The following GAS5 variants were observed in gnomAD, a reference collection of about 807,000 sequenced individuals.
GAS5 encodes growth arrest specific 5, also known as growth arrest specific 5 (non-protein coding).
chr1:173,867,267 C>A (rs1348810264), upstream of GAS5: 6 of 509,028 alleles, frequency 1.2e-5, no homozygotes, highest in Middle Eastern at 5.0e-4. Flanking sequence ...GGCTTGTAAT[C>A]CCAGTATGTT....
chr1:173,866,543 T>C (rs867040107), exon 3 of GAS5: 1 of 734,954 alleles, frequency 1.4e-6, no homozygotes, highest in Middle Eastern at 2.3e-4. Context: ...TGCCAATGGC[T>C]TGAGTTAGGC....
chr1:173,865,706 C>T (rs1373368824), intron 5 of GAS5: 1 of 519,216 alleles, frequency 1.9e-6, no homozygotes, highest in Non-Finnish European at 3.8e-6. Context: ...TCCAAACATG[C>T]TCAAGGAAAA....
chr1:173,864,902 G>GT, intron 6 of GAS5: 1 of 518,858 alleles, frequency 1.9e-6, no homozygotes, highest in Non-Finnish European at 3.8e-6. Flanking sequence ...TATCATCATT[G>GT]TATCGGCTTT....
upstream of GAS5, chr1:173,867,049 G>A (rs1273976280): frequency 1.4e-6 from 1 of 728,880 alleles, no homozygotes; most frequent in Non-Finnish European, 2.5e-6. Context: ...CATACCTAAA[G>A]AGATCAGGTA....
At position 173,864,190 on chromosome 1, in the gene GAS5, G is replaced by A. The variant is rs755717426; in HGVS notation, n.324+67C>T. 5.8e-6 allele frequency: 3 copies of A among 518,548 alleles called. No individual in the cohort carries two copies. In the Admixed American group the frequency reaches 5.8e-5, roughly 10 times the overall value. 32.1% of individuals were successfully genotyped at this position (518,548 alleles called of 1,614,324 possible). On this transcript the variant is annotated intron_variant and non_coding_transcript_variant, in intron 7 of 7. Transcript: ENST00000651080. Reference sequence around the variant, plus strand: ...TTGTCATCAAGTAATCAGTGAGAGAGTTCAAGTTGGATTGAGATCATCATG... The same window carrying A: ...TTGTCATCAAGTAATCAGTGAGAGAATTCAAGTTGGATTGAGATCATCATG...
exon 5 of GAS5, chr1:173,865,886 G>A (rs1410211253): frequency 7.7e-6 from 4 of 518,448 alleles, no homozygotes; most frequent in Non-Finnish European, 1.5e-5. Context: ...CAGGCAAGTT[G>A]GACTCCACCT....
At chr1:173,864,989 C>T (rs1295327046) in intron 6 of GAS5, 17 of 485,154 alleles carry the variant, frequency 3.5e-5, no homozygotes, top group African/African-American at 1.4e-4. Context: ...GAGGTCAGTG[C>T]GGGCAGTATC....
upstream of GAS5, chr1:173,867,555 C>T: frequency 2.1e-6 from 1 of 473,220 alleles, no homozygotes; most frequent in Non-Finnish European, 4.2e-6. Context: ...GGTGACACTG[C>T]GGAATGCAGG....
At chr1:173,865,012 G>A (rs1431203517) in intron 6 of GAS5, 2 of 452,650 alleles carry the variant, frequency 4.4e-6, no homozygotes, top group Non-Finnish European at 8.9e-6. Flanking sequence ...TTGAGGTCAA[G>A]AGTTCGAGAC....
At chr1:173,865,778 T>G (rs1654503240) in intron 5 of GAS5, 3 of 518,342 alleles carry the variant, frequency 5.8e-6, no homozygotes, top group Middle Eastern at 3.2e-4. Context: ...CAGCCAAGCC[T>G]TAAGCCATTA....
chr1:173,865,726 A>G (rs755571777), intron 5 of GAS5: 10 of 519,010 alleles, frequency 1.9e-5, no homozygotes, highest in Non-Finnish European at 3.5e-5. Flanking sequence ...ACACATAAAC[A>G]CTGTTCCAGA....
upstream of GAS5, chr1:173,868,256 GCAA>G (rs1655125578): frequency 1.6e-5 from 2 of 126,542 alleles, no homozygotes; most frequent in African/African-American, 2.6e-5. Flanking sequence ...GGGGCGCGAG[GCAA>G]GGAAAGCTCT....
intron 7 of GAS5, chr1:173,864,167 G>C (rs1651725353): frequency 1.9e-6 from 1 of 518,102 alleles, no homozygotes; most frequent in Non-Finnish European, 3.9e-6. Context: ...ATATTTTATT[G>C]TCATCAAGTA....
chr1:173,867,698 A>G (rs775707254), upstream of GAS5: 22 of 518,922 alleles, frequency 4.2e-5, no homozygotes, highest in Non-Finnish European at 8.5e-5. Context: ...GTTGGCATTC[A>G]TCATTACTCT....
upstream of GAS5, chr1:173,867,771 AGTTCTACTCTAACATAGTC>A: frequency 1.9e-6 from 1 of 519,190 alleles, no homozygotes; most frequent in South Asian, 1.4e-5. Flanking sequence ...GCTTCTCCGC[AGTTCTACTCTAACATAGTC>A]GCAGCTTAGG....
upstream of GAS5, chr1:173,867,228 A>G (rs1320035610): frequency 5.7e-6 from 3 of 529,606 alleles, no homozygotes; most frequent in East Asian, 3.0e-5. Context: ...GTTAAGAACC[A>G]CCGATGGCGG....
At chr1:173,864,347 G>A (rs777486357) in intron 6 of GAS5, 1 of 518,720 alleles carries the variant, frequency 1.9e-6, no homozygotes, top group East Asian at 5.4e-5. Flanking sequence ...AAATACAAAT[G>A]TGTGATGCTT....
At position 173,865,710 on chromosome 1, in the gene GAS5, A is replaced by G. The variant is rs1312495479; in HGVS notation, n.199+147T>C. ...ACAAACCCCGTTCCAAACATGCTCA[A>G]GGAAAACACATAAACACTGTTCCAG... On this transcript the variant is annotated intron_variant and non_coding_transcript_variant, in intron 5 of 7. Transcript: ENST00000651080. 7.7e-6 allele frequency: 4 copies of G among 519,122 alleles called. No homozygotes were observed. The Admixed American group carries it at 7.8e-5, about 10-fold the overall frequency. The allele number at this position is 519,122 out of a possible 1,614,324, so 32.2% of individuals were successfully genotyped here. A position where few individuals can be genotyped will look rare whatever the true frequency, so the allele number is the denominator to read the frequency against.
At chr1:173,867,969 G>A (rs771338019), upstream of GAS5, 4 of 337,586 alleles carry the variant, frequency 1.2e-5, no homozygotes, top group Admixed American at 1.1e-4. Flanking sequence ...CCTCACAGGA[G>A]TCGACTCCTA....
Sources: allele counts gnomAD v4.1 joint callset, GRCh38; gene constraint gnomAD v4.1.1; transcripts MANE v1.5; gene names NCBI Gene and HGNC (gene_info 2026-07-23, HGNC 2026-07-21).